Variants in LRRC9 observed in about 807,000 individuals in gnomAD.
The protein encoded by LRRC9 is leucine-rich repeat-containing protein 9.
A neutral mutation model predicts 63.2 loss-of-function variants in LRRC9; 122 were observed. The observed-to-expected ratio is 1.93, with a 90% confidence interval of 1.67 to 2.24. The LOEUF (loss-of-function observed/expected upper bound fraction) is 2.24. Among genes scored for constraint, LRRC9 ranks in the 30% most tolerant of loss-of-function variants. The probability of loss-of-function intolerance (pLI) is 0.00; values close to 1 mark genes in which losing one functional copy is unlikely to be tolerated. For missense variants in LRRC9, 1,071 were observed against 627.7 expected (o/e 1.71, Z -7.55); for synonymous variants, 366 against 213.1 (o/e 1.72, Z -6.25).
rs1566781877 is a variant in LRRC9, at chr14:59,930,859, T to C, written c.268-59T>C. 1 of 312,394 alleles carries C rather than the reference T, an allele frequency of 3.2e-6. No homozygotes were observed. Among genetic ancestry groups the C allele is most frequent in the Non-Finnish European group, 5.9e-6 (1 of 170,340 alleles). 19.4% of individuals were successfully genotyped at this position (312,394 alleles called of 1,614,324 possible). ...AAAATATACTTAGAAACCTACTTCATTGGAAGGATTAATAGCAAAACATAA... is the reference window on the plus strand; with the variant it reads ...AAAATATACTTAGAAACCTACTTCACTGGAAGGATTAATAGCAAAACATAA... On this transcript the variant is annotated intron_variant, in intron 3 of 31. Transcript: ENST00000445360. This position sits in a 1 kb window ranked among gnomAD's most constrained non-coding sequence, Gnocchi z 4.9.
rs1215192429 is a variant in LRRC9 at position 59,938,958 on chromosome 14, C to CATAT, written c.726+387_726+388insTATA. On this transcript the variant is annotated intron_variant, in intron 7 of 31. Coordinates refer to ENST00000445360, the Ensembl canonical transcript of LRRC9. The surrounding 1 kb of genome is among the most constrained non-coding windows in gnomAD (Gnocchi z 4.2). ...ATATATACATATACATACATATATA[C>CATAT]ACACATATATACATATATACATATA... Among the ~76,000 whole-genome samples the CATAT allele has an allele frequency of 7.4e-3, 706 of 95,266 alleles. 6 individuals carry two copies. Among genetic ancestry groups the CATAT allele is most frequent in the African/African-American group, 0.026 (577 of 22,108 alleles). 62.5% of individuals were successfully genotyped at this position (95,266 alleles called of 152,430 possible).
At chr14:60,064,401 C>T (rs904544629), downstream of LRRC9, among the ~76,000 whole-genome samples, 6 of 152,196 alleles carry the variant, frequency 3.9e-5, no homozygotes, top group East Asian at 1.9e-4. Flanking sequence ...TTTCCTTACA[C>T]GAAAATAAAT....
intron 23 of LRRC9, among the ~76,000 whole-genome samples, chr14:60,015,227 G>T (rs1262372721): frequency 1.3e-5 from 2 of 148,246 alleles, no homozygotes; most frequent in African/African-American, 5.0e-5. Context: ...TGCTTGTTGA[G>T]CATTTTTCCT....
intron 28 of LRRC9, among the ~76,000 whole-genome samples, chr14:60,030,021 T>C (rs1300861962): frequency 6.6e-6 from 1 of 152,146 alleles, no homozygotes; most frequent in Non-Finnish European, 1.5e-5. Context: ...TGAAAACATA[T>C]TGTCTTCAAA....
intron 23 of LRRC9, among the ~76,000 whole-genome samples, chr14:60,009,158 T>C (rs1334579603): frequency 6.6e-6 from 1 of 152,168 alleles, no homozygotes; most frequent in Non-Finnish European, 1.5e-5. Flanking sequence ...CTTATAGAAA[T>C]AAATGTAGAA....
intron 6 of LRRC9, among the ~76,000 whole-genome samples, chr14:59,933,793 G>A (rs567064838): frequency 2.2e-4 from 34 of 152,128 alleles, no homozygotes; most frequent in African/African-American, 6.3e-4. Flanking sequence ...ATTCTAAGAC[G>A]GGGAAAACAA....
chr14:59,937,532 G>C (rs1881166627), intron 6 of LRRC9, among the ~76,000 whole-genome samples: 1 of 152,044 alleles, frequency 6.6e-6, no homozygotes, highest in South Asian at 2.1e-4. Context: ...AGGTAAAATT[G>C]GGGTGAAGTT....
intron 7 of LRRC9, among the ~76,000 whole-genome samples, chr14:59,940,566 CA>C (rs1881655767): frequency 6.6e-6 from 1 of 152,078 alleles, no homozygotes; most frequent in Non-Finnish European, 1.5e-5. Flanking sequence ...GACTTGGATT[CA>C]AGCCCCCAAC....
At chr14:60,032,497 A>G (rs1425556840) in intron 29 of LRRC9, among the ~76,000 whole-genome samples, 3 of 152,144 alleles carry the variant, frequency 2.0e-5, no homozygotes, top group Non-Finnish European at 1.5e-5. Context: ...CTCAAGTTAC[A>G]TGAGAATCTT....
intron 17 of LRRC9, among the ~76,000 whole-genome samples, chr14:59,996,823 A>C (rs577963848): frequency 7.2e-5 from 11 of 152,322 alleles, no homozygotes; most frequent in African/African-American, 2.6e-4. Flanking sequence ...TCCTGTTTCC[A>C]AAAACCTGTT....
chr14:60,064,595 T>C (rs1249761643), downstream of LRRC9, among the ~76,000 whole-genome samples: 2 of 152,216 alleles, frequency 1.3e-5, no homozygotes, highest in African/African-American at 4.8e-5. Context: ...GATTTTGCTC[T>C]TTGTAATGTG....
intron 9 of LRRC9, among the ~76,000 whole-genome samples, chr14:59,960,604 A>G (rs1014020560): frequency 1.3e-5 from 2 of 152,324 alleles, no homozygotes; most frequent in Non-Finnish European, 2.9e-5. Context: ...GACTACGAAT[A>G]TTGCCATTTT....
intron 17 of LRRC9, among the ~76,000 whole-genome samples, chr14:59,991,782 ATTGC>A (rs1888145600): frequency 3.1e-5 from 1 of 32,032 alleles, no homozygotes; most frequent in Non-Finnish European, 1.3e-4. Context: ...GGTGCCCGCC[ATTGC>A]CCAGGCTTCA....
At chr14:60,022,018 T>A (rs77641325) in intron 26 of LRRC9, among the ~76,000 whole-genome samples, 1 of 151,664 alleles carries the variant, frequency 6.6e-6, no homozygotes, top group Non-Finnish European at 1.5e-5. Flanking sequence ...TCGCAGTGAG[T>A]GGGGGGGATG....
intron 31 of LRRC9, 23 bp from the exon 33 acceptor site, chr14:60,063,300 T>A (rs749012893): frequency 2.9e-6 from 2 of 699,136 alleles, no homozygotes; most frequent in Non-Finnish European, 5.2e-6. Flanking sequence ...ACTATTTGAC[T>A]AATTAAATCT....
Position 59,932,278 on chromosome 14 carries a change from A to G in LRRC9, c.543+239A>G, listed in dbSNP as rs930889106. 1.3e-5 allele frequency among the ~76,000 whole-genome samples: 2 copies of G among 152,142 alleles called. No homozygotes were observed. The highest frequency in any genetic ancestry group is 4.8e-5 in the African/African-American group (2 of 41,528). ...ACCATTTTCTCTTAGTTTTCTTCCA[A>G]TCTTTCTGGCTACATCTCTTCAGTT... On this transcript the variant is annotated intron_variant, in intron 6 of 31. Transcript: ENST00000445360. The surrounding 1 kb of genome is among the most constrained non-coding windows in gnomAD (Gnocchi z 4.7).
At chr14:59,987,152 T>A (rs965740890) in intron 17 of LRRC9, among the ~76,000 whole-genome samples, 1 of 152,098 alleles carries the variant, frequency 6.6e-6, no homozygotes, top group Non-Finnish European at 1.5e-5. Flanking sequence ...AAGCCTCTTC[T>A]ATGTGCCCCA....
intron 18 of LRRC9, 28 bp from the exon 19 acceptor site, chr14:59,999,072 TA>T (rs569419007): frequency 1.9e-5 from 12 of 632,964 alleles, no homozygotes; most frequent in South Asian, 9.4e-5. Context: ...TAACAGTTTA[TA>T]AAAAATTTTT....
At position 60,041,095 on chromosome 14, in the gene LRRC9, C is replaced by G. The variant is rs535465780; in HGVS notation, c.3990+9032C>G. ...AATGTTGAATATTGGTCCCCACTCTCTTCTGGCTCGTACAGTTTCTGCTGA... is the reference window on the plus strand; with the variant it reads ...AATGTTGAATATTGGTCCCCACTCTGTTCTGGCTCGTACAGTTTCTGCTGA... On this transcript the variant is annotated intron_variant, in intron 29 of 31. Coordinates refer to ENST00000445360, the Ensembl canonical transcript of LRRC9. 3.3e-5 allele frequency among the ~76,000 whole-genome samples: 5 copies of G among 152,046 alleles called. No homozygotes were observed. The South Asian group carries it at 1.0e-3, about 31-fold the overall frequency.
Sources: gnomAD v4.1 joint callset for allele counts (sites outside exome capture counted in the v4.1 genomes callset) on GRCh38, gnomAD v4.1.1 for gene constraint, Gnocchi (gnomAD v3.1) non-coding constraint, MANE v1.5 for transcripts, NCBI Gene and HGNC (gene_info 2026-07-23, HGNC 2026-07-21) for gene names.